The following TBC1D2 variants were observed in gnomAD, a reference collection of about 807,000 sequenced individuals.
TBC1D2 encodes the protein TBC1 domain family member 2.
In TBC1D2, 58 loss-of-function variants were observed where a neutral mutation model predicts 91.1. The ratio of observed to expected loss-of-function variants is 0.64; its 90% CI spans 0.52 to 0.79. The LOEUF is 0.79. Ranked by LOEUF, TBC1D2 falls within the 30% of genes least tolerant of loss-of-function variation. The probability of loss-of-function intolerance (pLI) is 0.00; values close to 1 mark genes in which losing one functional copy is unlikely to be tolerated. For synonymous variants in TBC1D2, 482 were observed against 511.5 expected (o/e 0.94, Z 0.78); for missense variants, 1,080 against 1,208.3 (o/e 0.89, Z 1.57).
At chr9:98,254,201 C>T (rs756418421) in intron 1 of TBC1D2, among the ~76,000 whole-genome samples, 4 of 152,210 alleles carry the variant, frequency 2.6e-5, no homozygotes, top group Non-Finnish European at 5.9e-5. Context: ...GGAAGGCTAT[C>T]TCCTGGCACA....
chr9:98,218,807 C>T (rs934012122), intron 6 of TBC1D2, among the ~76,000 whole-genome samples: 8 of 152,160 alleles, frequency 5.3e-5, no homozygotes, highest in African/African-American at 1.4e-4. Flanking sequence ...CCTCCCACCT[C>T]GGCCTCCAGA....
chr9:98,249,070 G>A (rs565092029), intron 2 of TBC1D2, among the ~76,000 whole-genome samples: 23 of 152,314 alleles, frequency 1.5e-4, no homozygotes, highest in African/African-American at 4.3e-4. Context: ...GGCGGGCGAG[G>A]TGGGGCAGCC....
Position 98,200,358 on chromosome 9 carries a change from GC to G in TBC1D2, c.2473del (p.Ala825ProfsTer13), listed in dbSNP as rs758506722. On this transcript the variant is annotated frameshift_variant, in exon 12 of 13. Transcript: ENST00000465784. LOFTEE classifies it high-confidence loss of function. ...CTCGTTGTACTTGAAAATGGCCAAG[GC>G]ATAGCGAAACACCACCTGGGGGTAG... Reference protein sequence around the residue: ...YEGTKVVFRYALAIFKYNEKE... With the variant: ...YEGTKVVFRYXLAIFKYNEKE... 4 of 1,597,614 alleles carry G rather than the reference GC, an allele frequency of 2.5e-6. No individual in the cohort carries two copies. In the Admixed American group the frequency reaches 6.8e-5, roughly 27 times the overall value.
At chr9:98,211,172 C>A (rs1448924488) in intron 7 of TBC1D2, among the ~76,000 whole-genome samples, 1 of 152,226 alleles carries the variant, frequency 6.6e-6, no homozygotes, top group Non-Finnish European at 1.5e-5. Context: ...GTTACTTAAC[C>A]TTTCTGTGCC....
Position 98,221,207 on chromosome 9 carries a change from T to C in TBC1D2, c.1000A>G (p.Lys334Glu). 6.5e-7 allele frequency: 1 copy of C among 1,549,074 alleles called. No individual in the cohort carries two copies. The highest frequency in any genetic ancestry group is 2.4e-5 in the East Asian group (1 of 41,340). ...SQKELVKILH[K>E]ALEAAQQEKR... ...TCCTGCTGGGCGGCCTCCAGTGCCT[T>C]GTGCAGGATCTTCACTAGCTCCTGG... Residue 334 changes from lysine to glutamate, a missense_variant, in exon 6 of 13, where the codon AAG (lysine) becomes GAG (glutamate). Coordinates refer to ENST00000465784, the MANE Select transcript of TBC1D2 (RefSeq NM_001267571.2).
chr9:98,216,051 T>C (rs1828961775), intron 6 of TBC1D2, among the ~76,000 whole-genome samples: 1 of 152,228 alleles, frequency 6.6e-6, no homozygotes, highest in Non-Finnish European at 1.5e-5. Context: ...GTCAGTGGCA[T>C]GAATGCTGCG....
chr9:98,211,324 G>A (rs985953788), intron 7 of TBC1D2, among the ~76,000 whole-genome samples: 4 of 152,100 alleles, frequency 2.6e-5, no homozygotes, highest in African/African-American at 4.8e-5. Flanking sequence ...ACTGAACAGC[G>A]CCCAGGGGAT....
chr9:98,201,374 G>T, intron 11 of TBC1D2, 105 bp downstream of exon 11: 1 of 1,095,778 alleles, frequency 9.1e-7, no homozygotes. Flanking sequence ...CAACAGCTCT[G>T]ACAAGTAAGC....
chr9:98,207,923 G>T (rs991998571), intron 9 of TBC1D2, among the ~76,000 whole-genome samples: 2 of 152,168 alleles, frequency 1.3e-5, no homozygotes, highest in Admixed American at 1.3e-4. Context: ...ATGACCATCT[G>T]GTCCTCAGCT....
chr9:98,220,018 T>A (rs1254553182), intron 6 of TBC1D2, among the ~76,000 whole-genome samples: 1 of 152,026 alleles, frequency 6.6e-6, no homozygotes, highest in Non-Finnish European at 1.5e-5. Flanking sequence ...AGTTCCTACC[T>A]CCTGTGACAT....
At chr9:98,210,456 T>A (rs1159063542) in intron 8 of TBC1D2, among the ~76,000 whole-genome samples, 200 bp downstream of exon 8, 2 of 151,946 alleles carry the variant, frequency 1.3e-5, no homozygotes, top group African/African-American at 4.8e-5. Context: ...GTGCCGCAAA[T>A]GTACTATAGG....
At chr9:98,241,051 C>T (rs1829625170) in intron 3 of TBC1D2, among the ~76,000 whole-genome samples, 1 of 152,174 alleles carries the variant, frequency 6.6e-6, no homozygotes, top group Non-Finnish European at 1.5e-5. Context: ...TCAAACATAT[C>T]CATAATGAAC....
intron 1 of TBC1D2, among the ~76,000 whole-genome samples, chr9:98,252,629 A>G (rs959898861): frequency 6.6e-6 from 1 of 152,218 alleles, no homozygotes; most frequent in Non-Finnish European, 1.5e-5. Flanking sequence ...CCCTTTCTAC[A>G]GATGGAGAAA....
At chr9:98,244,659 CAAAAAAAAAAAAA>C (rs59871511) in intron 2 of TBC1D2, among the ~76,000 whole-genome samples, 1 of 46,890 alleles carries the variant, frequency 2.1e-5, no homozygotes, top group African/African-American at 7.7e-5. Context: ...AACTCCGTCT[CAAAAAAAAAAAAA>C]AAAAAAAAAA....
At chr9:98,213,034 GA>G in intron 7 of TBC1D2, 73 bp downstream of exon 7, 1 of 1,517,058 alleles carries the variant, frequency 6.6e-7, no homozygotes, top group South Asian at 1.1e-5. Flanking sequence ...AGGAGAGTGA[GA>G]CGGAGTGGGC....
intron 3 of TBC1D2, among the ~76,000 whole-genome samples, chr9:98,233,896 A>G (rs1181065747): frequency 6.6e-6 from 1 of 152,202 alleles, no homozygotes; most frequent in Non-Finnish European, 1.5e-5. Flanking sequence ...ACGGTGCCCA[A>G]AACATAGAAG....
chr9:98,238,617 T>C lies in TBC1D2; in HGVS notation c.648-5068A>G, dbSNP rs1829564927. Among the ~76,000 whole-genome samples, 3 of 137,640 alleles carry C rather than the reference T, an allele frequency of 2.2e-5. 1 individual carries two copies. Among genetic ancestry groups the C allele is most frequent in the Non-Finnish European group, 1.5e-5 (1 of 67,740 alleles). 90.3% of individuals were successfully genotyped at this position (137,640 alleles called of 152,430 possible). A position where few individuals can be genotyped will look rare whatever the true frequency, so the allele number is the denominator to read the frequency against. On this transcript the variant is annotated intron_variant, in intron 3 of 12. Coordinates refer to ENST00000465784, the MANE Select transcript of TBC1D2 (RefSeq NM_001267571.2). Reference sequence around the variant, plus strand: ...CCTGGCTAAAGCCTCCAGAACAATGTTGAATATTCCTGATTTTAAGGGGAA... The same window carrying C: ...CCTGGCTAAAGCCTCCAGAACAATGCTGAATATTCCTGATTTTAAGGGGAA...
At chr9:98,199,741 C>T (rs184444029) in intron 12 of TBC1D2, among the ~76,000 whole-genome samples, 153 bp from the exon 13 acceptor site, 1 of 152,244 alleles carries the variant, frequency 6.6e-6, no homozygotes, top group East Asian at 1.9e-4. Context: ...AGATGATTTC[C>T]ACCCACAGAG....
intron 6 of TBC1D2, among the ~76,000 whole-genome samples, chr9:98,215,919 C>A (rs1375102419): frequency 6.6e-6 from 1 of 152,228 alleles, no homozygotes; most frequent in Admixed American, 6.5e-5. Context: ...ACCCTCCAAG[C>A]GTTGTCCTTT....
Sources: allele counts gnomAD v4.1 joint callset (sites outside exome capture counted in the v4.1 genomes callset), GRCh38; gene constraint gnomAD v4.1.1; transcripts MANE v1.5; gene names NCBI Gene and HGNC (gene_info 2026-07-23, HGNC 2026-07-21).